Variants in CDH1 observed in about 807,000 individuals in gnomAD.
The protein encoded by CDH1 is cadherin-1.
CDH1 carries 35 observed loss-of-function variants against 84.5 expected under a neutral mutation model. The ratio of observed to expected loss-of-function variants is 0.41; its 90% CI spans 0.32 to 0.55. The LOEUF (loss-of-function observed/expected upper bound fraction) is 0.55, where lower values mean the gene tolerates loss of function less well. CDH1 is among the 20% of genes least tolerant of loss of function. The pLI is 0.19. For missense variants in CDH1, 994 were observed against 1,126.6 expected, an observed-to-expected ratio of 0.88 and a Z score of 1.68; for synonymous variants, 417 against 439.0, an observed-to-expected ratio of 0.95 and a Z score of 0.63.
chr16:68,749,068 C>G (rs925053715), intron 2 of CDH1, among the ~76,000 whole-genome samples: 4 of 152,192 alleles, frequency 2.6e-5, no homozygotes, highest in African/African-American at 4.8e-5. Flanking sequence ...AACTCCTGAC[C>G]TCAGGTGATC....
At chr16:68,762,722 G>C (rs1431168305) in intron 2 of CDH1, among the ~76,000 whole-genome samples, 2 of 151,830 alleles carry the variant, frequency 1.3e-5, no homozygotes, top group African/African-American at 4.8e-5. Context: ...CAGCCTGGCC[G>C]ACATGGCGAA....
At chr16:68,802,824 T>C (rs1458469304) in intron 3 of CDH1, among the ~76,000 whole-genome samples, 1 of 152,112 alleles carries the variant, frequency 6.6e-6, no homozygotes, top group South Asian at 2.1e-4. Flanking sequence ...AAGAAGAGCC[T>C]TGGTGAAGAA....
intron 2 of CDH1, among the ~76,000 whole-genome samples, chr16:68,764,651 C>T (rs979515494): frequency 6.6e-6 from 1 of 152,186 alleles, no homozygotes; most frequent in Non-Finnish European, 1.5e-5. Context: ...TTAAGGCCTG[C>T]AAACTCCCTG....
rs1025235724 is a variant in CDH1, at chr16:68,777,590, G to A, written c.164-24080G>A. ...GGGTCTGATTCTGTCACCCAAGCTG[G>A]AGTGCAGTGGTGGTGCAACCACGGC... On this transcript the variant is annotated intron_variant, in intron 2 of 15. Transcript: ENST00000261769. Among the ~76,000 whole-genome samples, 4 of 135,770 alleles carry A rather than the reference G, an allele frequency of 2.9e-5. No homozygotes were observed. In the East Asian group the frequency reaches 8.9e-4, roughly 30 times the overall value. 89.1% of individuals were successfully genotyped at this position (135,770 alleles called of 152,430 possible). A position where few individuals can be genotyped will look rare whatever the true frequency, so the allele number is the denominator to read the frequency against.
intron 2 of CDH1, among the ~76,000 whole-genome samples, chr16:68,775,040 T>C (rs1057219233): frequency 6.6e-6 from 1 of 151,070 alleles, no homozygotes; most frequent in Non-Finnish European, 1.5e-5. Context: ...GTGGGAGGAA[T>C]GCTTGAGCCT....
At chr16:68,796,914 G>T (rs879573351) in intron 2 of CDH1, among the ~76,000 whole-genome samples, 1 of 152,136 alleles carries the variant, frequency 6.6e-6, no homozygotes, top group Non-Finnish European at 1.5e-5. Flanking sequence ...GAGGTTGGTG[G>T]ATCGCTTGAG....
At chr16:68,757,833 C>T (rs1963053276) in intron 2 of CDH1, among the ~76,000 whole-genome samples, 1 of 151,132 alleles carries the variant, frequency 6.6e-6, no homozygotes, top group African/African-American at 2.4e-5. Flanking sequence ...TTTTCTGTCA[C>T]CCAGGCTGGA....
intron 2 of CDH1, among the ~76,000 whole-genome samples, chr16:68,780,821 A>G (rs1037849566): frequency 4.6e-5 from 7 of 152,174 alleles, no homozygotes; most frequent in African/African-American, 1.7e-4. Context: ...GTAGTTGGTG[A>G]CAAAGTCAGA....
chr16:68,812,503 C>T (rs1960867453), intron 8 of CDH1, among the ~76,000 whole-genome samples: 1 of 152,234 alleles, frequency 6.6e-6, no homozygotes, highest in African/African-American at 2.4e-5. Context: ...CTACTGATTT[C>T]ATAGTCTCAT....
intron 2 of CDH1, among the ~76,000 whole-genome samples, chr16:68,792,463 C>T (rs924485113): frequency 6.6e-6 from 1 of 152,182 alleles, no homozygotes; most frequent in Non-Finnish European, 1.5e-5. Context: ...CTCCTGACCT[C>T]AAGTGTTCCA....
At chr16:68,745,042 C>T (rs973800864) in intron 2 of CDH1, among the ~76,000 whole-genome samples, 4 of 152,116 alleles carry the variant, frequency 2.6e-5, no homozygotes, top group Non-Finnish European at 4.4e-5. Flanking sequence ...CAGGGTGGAC[C>T]GGAACGGGTT....
chr16:68,769,752 A>AC (rs1241937605), intron 2 of CDH1, among the ~76,000 whole-genome samples: 1 of 147,684 alleles, frequency 6.8e-6, no homozygotes, highest in Non-Finnish European at 1.5e-5. Flanking sequence ...ACATAGGGAG[A>AC]CCCCATCTCT....
intron 2 of CDH1, among the ~76,000 whole-genome samples, chr16:68,753,983 G>T (rs1962954244): frequency 6.6e-6 from 1 of 151,796 alleles, no homozygotes; most frequent in South Asian, 2.1e-4. Flanking sequence ...GCCAGGCGTA[G>T]TGGCAGGCGC....
intron 2 of CDH1, among the ~76,000 whole-genome samples, chr16:68,791,083 G>A (rs1335682301): frequency 6.6e-6 from 1 of 152,122 alleles, no homozygotes; most frequent in Admixed American, 6.6e-5. Context: ...CTTGAATGTT[G>A]GCCCCCGGGT....
At position 68,833,271 on chromosome 16, in the gene CDH1, T is replaced by G; in HGVS notation, c.2440-19T>G. The G allele has an allele frequency of 6.2e-7, 1 of 1,609,892 alleles. No individual in the cohort carries two copies. The highest frequency in any genetic ancestry group is 8.5e-7 in the Non-Finnish European group (1 of 1,176,206). The stretch of plus-strand genomic sequence containing the variant: ...GCCCTTCCTTTCACTAAAAGATGCT[T>G]TTGTCCCTTCTTCTTTAGAATCTGA... On this transcript the variant is annotated intron_variant, in intron 15 of 15. Transcript: ENST00000261769.
chr16:68,775,939 A>G (rs1050504551), intron 2 of CDH1, among the ~76,000 whole-genome samples: 1 of 152,136 alleles, frequency 6.6e-6, no homozygotes, highest in African/African-American at 2.4e-5. Flanking sequence ...GTTAGGAGGG[A>G]AGATTGTCAA....
intron 2 of CDH1, among the ~76,000 whole-genome samples, chr16:68,772,767 C>G (rs1023623818): frequency 6.6e-6 from 1 of 151,672 alleles, no homozygotes; most frequent in African/African-American, 2.4e-5. Context: ...AGACCCCATC[C>G]TAACAAAAAA....
chr16:68,753,343 CTTT>C (rs544037956), intron 2 of CDH1, among the ~76,000 whole-genome samples: 1 of 146,958 alleles, frequency 6.8e-6, no homozygotes, highest in Non-Finnish European at 1.5e-5. Context: ...TCTTGTAAAT[CTTT>C]TTTTTTTCTT....
In CDH1 at chr16:68,828,255, G is replaced by A. The variant is rs530717933; in HGVS notation, c.2246G>A (p.Arg749Gln). The change falls in exon 14 of 16, where the codon CGG becomes CAG. Residue 749 changes from arginine (R) to glutamine (Q), a missense_variant. Transcript: ENST00000261769. Reference sequence around the variant, plus strand: ...TTACTGCCCCCAGAGGATGACACCCGGGACAACGTTTATTACTATGATGAA... The same window carrying A: ...TTACTGCCCCCAGAGGATGACACCCAGGACAACGTTTATTACTATGATGAA... ...EPLLPPEDDTRDNVYYYDEEG... is the reference protein window; with the variant it reads ...EPLLPPEDDTQDNVYYYDEEG... The A allele has an allele frequency of 1.7e-5, 28 of 1,613,964 alleles. No individual in the cohort carries two copies. The highest frequency in any genetic ancestry group is 2.2e-5 in the Non-Finnish European group (26 of 1,180,018).
Sources: allele counts gnomAD v4.1 joint callset (sites outside exome capture counted in the v4.1 genomes callset), GRCh38; gene constraint gnomAD v4.1.1; transcripts MANE v1.5; gene names NCBI Gene and HGNC (gene_info 2026-07-23, HGNC 2026-07-21).